SLC41A2: variants seen among roughly 807,000 people sequenced by gnomAD.
SLC41A2 encodes the protein SLC41A1-like 1.
A neutral mutation model predicts 58.3 loss-of-function variants in SLC41A2; 32 were observed. That is an observed-to-expected ratio of 0.55 (90% CI 0.41 to 0.74). SLC41A2 has a LOEUF of 0.74. Among genes scored for constraint, SLC41A2 ranks in the 30% least tolerant of loss-of-function variants. The pLI, the probability that SLC41A2 is intolerant of heterozygous loss-of-function variation, is 0.00. For synonymous variants in SLC41A2, 190 were observed against 235.0 expected (o/e 0.81, Z 1.75); for missense variants, 514 against 680.6 (o/e 0.76, Z 2.72).
chr12:104,875,676 C>T (rs1406046519), intron 6 of SLC41A2, among the ~76,000 whole-genome samples: 1 of 152,120 alleles, frequency 6.6e-6, no homozygotes, highest in Non-Finnish European at 1.5e-5. Flanking sequence ...ACTTGTAGTT[C>T]CTGATACTTG....
At chr12:104,922,657 C>T (rs1425414910) in intron 2 of SLC41A2, among the ~76,000 whole-genome samples, 2 of 152,180 alleles carry the variant, frequency 1.3e-5, no homozygotes, top group Non-Finnish European at 2.9e-5. Flanking sequence ...TGGAGTTAAA[C>T]CACACATTAG....
intron 6 of SLC41A2, among the ~76,000 whole-genome samples, chr12:104,879,203 C>T (rs2044229133): frequency 6.6e-6 from 1 of 152,118 alleles, no homozygotes; most frequent in African/African-American, 2.4e-5. Context: ...TAGATTCTGG[C>T]TATTAGCCCT....
chr12:104,885,528 G>A (rs1018500541), intron 6 of SLC41A2, among the ~76,000 whole-genome samples: 3 of 152,060 alleles, frequency 2.0e-5, no homozygotes, highest in Non-Finnish European at 4.4e-5. Context: ...CCTCTGGCTT[G>A]GCTTATATAC....
At chr12:104,940,304 G>A (rs959790012) in intron 1 of SLC41A2, among the ~76,000 whole-genome samples, 2 of 150,708 alleles carry the variant, frequency 1.3e-5, no homozygotes, top group South Asian at 2.1e-4. Flanking sequence ...GAGCCACCGA[G>A]CCCAGCCTTA....
intron 2 of SLC41A2, among the ~76,000 whole-genome samples, chr12:104,926,434 A>G (rs2046842895): frequency 6.6e-6 from 1 of 151,976 alleles, no homozygotes; most frequent in Non-Finnish European, 1.5e-5. Flanking sequence ...CTAAAAATAC[A>G]AAAATTAGCC....
intron 3 of SLC41A2, among the ~76,000 whole-genome samples, chr12:104,903,997 C>T (rs1225756284): frequency 6.6e-6 from 1 of 152,020 alleles, no homozygotes; most frequent in Non-Finnish European, 1.5e-5. Context: ...AACAAATTAA[C>T]GAAGGTTAAA....
chr12:104,942,703 G>A (rs533371041), intron 1 of SLC41A2, among the ~76,000 whole-genome samples: 88 of 152,162 alleles, frequency 5.8e-4, no homozygotes, highest in African/African-American at 1.6e-3. Context: ...TTACAGCTAC[G>A]TCTGAAACTC....
intron 10 of SLC41A2, among the ~76,000 whole-genome samples, chr12:104,815,218 CTTAAATGCAACATT>C: frequency 6.6e-6 from 1 of 152,310 alleles, no homozygotes; most frequent in South Asian, 2.1e-4. Flanking sequence ...GCAGACACTT[CTTAAATGCAACATT>C]TTTTGTTTTA....
chr12:104,848,192 T>C (rs1024253460), intron 8 of SLC41A2, among the ~76,000 whole-genome samples: 2 of 152,034 alleles, frequency 1.3e-5, no homozygotes, highest in Non-Finnish European at 2.9e-5. Flanking sequence ...CCCCCAAATA[T>C]CTGGAAAGTA....
chr12:104,925,223 A>G (rs2046782313), intron 2 of SLC41A2, among the ~76,000 whole-genome samples: 1 of 152,220 alleles, frequency 6.6e-6, no homozygotes. Flanking sequence ...TTACATTTCA[A>G]TTAAAAAGTT....
chr12:104,894,335 A>T (rs1029708194), intron 4 of SLC41A2, among the ~76,000 whole-genome samples: 1 of 151,764 alleles, frequency 6.6e-6, no homozygotes, highest in Non-Finnish European at 1.5e-5. Context: ...CCTGGGCAAC[A>T]GAGCAAGACC....
intron 10 of SLC41A2, among the ~76,000 whole-genome samples, 158 bp from the exon 11 acceptor site, chr12:104,805,495 T>C (rs1404913853): frequency 6.6e-6 from 1 of 152,188 alleles, no homozygotes; most frequent in Non-Finnish European, 1.5e-5. Context: ...CAAGAATACT[T>C]TCATTTCACA....
At chr12:104,866,657 T>C in intron 6 of SLC41A2, 78 bp from the exon 7 acceptor site, 2 of 1,253,774 alleles carry the variant, frequency 1.6e-6, no homozygotes. Flanking sequence ...ATTATCAAAG[T>C]TTACTAGAAG....
At chr12:104,853,469 C>T (rs2042875753) in intron 8 of SLC41A2, among the ~76,000 whole-genome samples, 2 of 152,016 alleles carry the variant, frequency 1.3e-5, no homozygotes, top group South Asian at 4.1e-4. Context: ...TCAAGAAATG[C>T]AAAAAGATGG....
At chr12:104,905,206 T>C (rs1332891513) in intron 3 of SLC41A2, among the ~76,000 whole-genome samples, 1 of 152,114 alleles carries the variant, frequency 6.6e-6, no homozygotes, top group East Asian at 1.9e-4. Context: ...AAACACAGGG[T>C]GCTGATTGGT....
chr12:104,819,894 C>G (rs527570536), intron 10 of SLC41A2, among the ~76,000 whole-genome samples: 145 of 152,328 alleles, frequency 9.5e-4, no homozygotes, highest in African/African-American at 3.1e-3. Flanking sequence ...TTCACAAGAG[C>G]TGACTGGATT....
chr12:104,867,039 G>A (rs536629685), intron 6 of SLC41A2, among the ~76,000 whole-genome samples: 6 of 152,116 alleles, frequency 3.9e-5, no homozygotes, highest in South Asian at 2.1e-4. Context: ...AGGGAGAGCC[G>A]GAAGAAAATA....
intron 6 of SLC41A2, among the ~76,000 whole-genome samples, chr12:104,878,290 A>G (rs987700884): frequency 8.4e-6 from 1 of 118,646 alleles, no homozygotes. Flanking sequence ...CAAATAATAT[A>G]CCTGTATTTT....
At chr12:104,949,108 C>T (rs1259909555) in intron 1 of SLC41A2, among the ~76,000 whole-genome samples, 1 of 152,112 alleles carries the variant, frequency 6.6e-6, no homozygotes, top group African/African-American at 2.4e-5. Context: ...ATCCCAGCTA[C>T]TTGGGAGGCT....
Sources: gnomAD v4.1 joint callset for allele counts (sites outside exome capture counted in the v4.1 genomes callset) on GRCh38, gnomAD v4.1.1 for gene constraint, MANE v1.5 for transcripts, NCBI Gene and HGNC (gene_info 2026-07-23, HGNC 2026-07-21) for gene names.